Variants in GRB10 observed in about 807,000 individuals in gnomAD.
GRB10 encodes the protein growth factor receptor bound protein 10.
Under a neutral mutation model 80.9 loss-of-function variants are expected in GRB10, and 20 were observed. The ratio of observed to expected loss-of-function variants is 0.25; its 90% CI spans 0.17 to 0.36. The LOEUF (loss-of-function observed/expected upper bound fraction) is 0.36. GRB10 is among the 10% of genes least tolerant of loss of function. GRB10 has a pLI of 1.00. For synonymous variants in GRB10, 291 were observed against 291.5 expected, an observed-to-expected ratio of 1.00 and a Z score of 0.02; for missense variants, 548 against 747.7, an observed-to-expected ratio of 0.73 and a Z score of 3.12.
At chr7:50,623,392 A>G (rs1254657203) in intron 8 of GRB10, among the ~76,000 whole-genome samples, 2 of 152,256 alleles carry the variant, frequency 1.3e-5, no homozygotes, top group African/African-American at 2.4e-5. Flanking sequence ...TGCGTCCAGT[A>G]GTGAATGTCC....
chr7:50,709,661 CTG>C (rs1236418507), intron 4 of GRB10, among the ~76,000 whole-genome samples: 4 of 151,692 alleles, frequency 2.6e-5, no homozygotes, highest in Admixed American at 2.6e-4. Context: ...TTCCCTCACT[CTG>C]TGGATTAAGG....
rs113735603 is a variant in GRB10, at chr7:50,601,681, A to C, written c.1544+2317T>G. On this transcript the variant is annotated intron_variant, in intron 17 of 18. Coordinates refer to ENST00000401949, the MANE Select transcript of GRB10 (RefSeq NM_001350814.2). ...CAGAGATCATCAGAGGAAAAAAAAA[A>C]CAACAAAATCAAAGAAGTAAAAAAT... 9.3e-3 allele frequency among the ~76,000 whole-genome samples: 1,420 copies of C among 152,278 alleles called. 10 individuals are homozygous for C. Among genetic ancestry groups the C allele is most frequent in the Middle Eastern group, 0.058 (17 of 294 alleles).
chr7:50,660,322 G>A (rs1186499983), intron 7 of GRB10, among the ~76,000 whole-genome samples: 2 of 152,158 alleles, frequency 1.3e-5, no homozygotes, highest in African/African-American at 4.8e-5. Flanking sequence ...CCGTGGTGCT[G>A]CATTCATGCA....
At chr7:50,699,511 A>G (rs2063869803) in intron 5 of GRB10, among the ~76,000 whole-genome samples, 1 of 152,154 alleles carries the variant, frequency 6.6e-6, no homozygotes, top group East Asian at 1.9e-4. Flanking sequence ...TGCCAGGTGA[A>G]ATGATTATTT....
intron 6 of GRB10, among the ~76,000 whole-genome samples, chr7:50,673,495 T>A (rs575864807): frequency 6.6e-6 from 1 of 152,008 alleles, no homozygotes; most frequent in African/African-American, 2.4e-5. Flanking sequence ...CTCCACACAC[T>A]CTCTGTCTCC....
chr7:50,644,610 C>G (rs1334151900), intron 7 of GRB10, among the ~76,000 whole-genome samples: 1 of 152,200 alleles, frequency 6.6e-6, no homozygotes, highest in Admixed American at 6.5e-5. Context: ...CTGAGACCAT[C>G]AGTAAGCAGG....
At chr7:50,728,337 A>T (rs981558446) in intron 4 of GRB10, among the ~76,000 whole-genome samples, 1 of 152,166 alleles carries the variant, frequency 6.6e-6, no homozygotes, top group African/African-American at 2.4e-5. Flanking sequence ...AACTGAGCCC[A>T]AATCAACTCT....
At chr7:50,737,903 T>A (rs560201540) in intron 3 of GRB10, among the ~76,000 whole-genome samples, 54 of 152,030 alleles carry the variant, frequency 3.6e-4, no homozygotes, top group Non-Finnish European at 7.1e-4. Flanking sequence ...CAATAAAGAA[T>A]GCCTACAACT....
chr7:50,741,919 A>T (rs1283312273), intron 3 of GRB10, among the ~76,000 whole-genome samples: 1 of 152,196 alleles, frequency 6.6e-6, no homozygotes, highest in East Asian at 1.9e-4. Context: ...AATTTTAAAC[A>T]ATGAAATACA....
At chr7:50,760,501 T>C (rs936189209) in intron 2 of GRB10, among the ~76,000 whole-genome samples, 1 of 152,218 alleles carries the variant, frequency 6.6e-6, no homozygotes, top group African/African-American at 2.4e-5. Flanking sequence ...TCTATCTAAA[T>C]TCAAGCAGTT....
At chr7:50,705,554 T>A (rs2064922413) in intron 4 of GRB10, among the ~76,000 whole-genome samples, 1 of 152,230 alleles carries the variant, frequency 6.6e-6, no homozygotes, top group Admixed American at 6.5e-5. Context: ...ACCATGTGCA[T>A]CTGTGCAATG....
chr7:50,785,243 C>G (rs2153715263), upstream of GRB10, among the ~76,000 whole-genome samples: 1 of 152,312 alleles, frequency 6.6e-6, no homozygotes, highest in African/African-American at 2.4e-5. Flanking sequence ...ACACAGGGCT[C>G]CTGTCAGCTT....
chr7:50,744,265 A>G (rs2153697975), intron 3 of GRB10, among the ~76,000 whole-genome samples: 1 of 152,344 alleles, frequency 6.6e-6, no homozygotes, highest in Admixed American at 6.5e-5. Context: ...GGCAGGCTGG[A>G]GTCAAAGAAA....
rs2078458285 is a variant in GRB10 at position 50,782,875 on chromosome 7, C to A, written c.-778G>T. Reference sequence around the variant, plus strand: ...GGAGGACGACGGAGCAGCGCCCGGTCCTGGAGCACAACAGGAATCCCAGGA... The same window carrying A: ...GGAGGACGACGGAGCAGCGCCCGGTACTGGAGCACAACAGGAATCCCAGGA... On this transcript the variant is annotated 5_prime_UTR_variant, in exon 1 of 19. Coordinates refer to ENST00000401949, the MANE Select transcript of GRB10 (RefSeq NM_001350814.2). The surrounding 1 kb of genome is among the most constrained non-coding windows in gnomAD (Gnocchi z 6.6). 1 of 152,200 alleles carries A rather than the reference C, an allele frequency of 6.6e-6. No individual in the cohort carries two copies. Among genetic ancestry groups the A allele is most frequent in the African/African-American group, 2.4e-5 (1 of 41,446 alleles). 9.4% of individuals were successfully genotyped at this position (152,200 alleles called of 1,614,324 possible).
At position 50,616,233 on chromosome 7, in the gene GRB10, A is replaced by G; in HGVS notation, c.961T>C (p.Cys321Arg). The G allele has an allele frequency of 6.2e-7, 1 of 1,614,234 alleles. No homozygotes were observed. Among genetic ancestry groups the G allele is most frequent in the Non-Finnish European group, 8.5e-7 (1 of 1,180,042 alleles). ...ACCTTTGAAGTTCCCTTGGTGGAGC[A>G]ATAAAGGCCAGATCTCCGCAAACAC... ...YVCLRRSGLYCSTKGTSKEPR... is the reference protein window; with the variant it reads ...YVCLRRSGLYRSTKGTSKEPR... The change falls in exon 11 of 19, where the codon TGC (cysteine) becomes CGC (arginine). Residue 321 changes from cysteine (C) to arginine (R), a missense_variant. Physicochemically the swap from Cys to Arg is radical, Grantham distance 180 (BLOSUM62 -3). Coordinates refer to ENST00000401949, the MANE Select transcript of GRB10 (RefSeq NM_001350814.2).
At chr7:50,775,177 A>AAAAAAAAAAAAAAC (rs1386544032) in intron 2 of GRB10, among the ~76,000 whole-genome samples, 1 of 148,420 alleles carries the variant, frequency 6.7e-6, no homozygotes. Flanking sequence ...AAAAAAACAA[A>AAAAAAAAAAAAAAC]AAAAAACAGT....
intron 5 of GRB10, among the ~76,000 whole-genome samples, chr7:50,677,988 C>T (rs2153645357): frequency 6.6e-6 from 1 of 152,300 alleles, no homozygotes; most frequent in South Asian, 2.1e-4. Context: ...CTGTTCTCTT[C>T]TAGGAAAATA....
chr7:50,721,616 C>T (rs1412135440), intron 4 of GRB10, among the ~76,000 whole-genome samples: 1 of 152,194 alleles, frequency 6.6e-6, no homozygotes, highest in African/African-American at 2.4e-5. Flanking sequence ...CTCTGCCCCT[C>T]GTAGGGCTCT....
chr7:50,625,157 G>C (rs1323216684), intron 8 of GRB10, among the ~76,000 whole-genome samples: 1 of 152,038 alleles, frequency 6.6e-6, no homozygotes, highest in Non-Finnish European at 1.5e-5. Flanking sequence ...ACATGAAATA[G>C]ATAATTCAAA....
Sources: allele counts gnomAD v4.1 joint callset (sites outside exome capture counted in the v4.1 genomes callset), GRCh38; gene constraint gnomAD v4.1.1; non-coding constraint Gnocchi (gnomAD v3.1); transcripts MANE v1.5; gene names NCBI Gene and HGNC (gene_info 2026-07-23, HGNC 2026-07-21).